SORCS3: variants seen among roughly 807,000 people sequenced by gnomAD.
The protein encoded by SORCS3 is sortilin related VPS10 domain containing receptor 3.
SORCS3 carries 57 observed loss-of-function variants against 146.3 expected under a neutral mutation model. The observed-to-expected ratio is 0.39, with a 90% confidence interval of 0.31 to 0.49. SORCS3 has a LOEUF of 0.49. Among genes scored for constraint, SORCS3 ranks in the 20% least tolerant of loss-of-function variants. SORCS3 has a pLI of 0.92. For missense variants in SORCS3, 1,341 were observed against 1,575.5 expected (o/e 0.85, Z 2.52); for synonymous variants, 653 against 618.5 (o/e 1.06, Z -0.83).
chr10:104,826,091 G>A (rs1401238627), intron 1 of SORCS3, among the ~76,000 whole-genome samples: 5 of 152,142 alleles, frequency 3.3e-5, no homozygotes, highest in African/African-American at 9.7e-5. Context: ...TTTGGGTGCT[G>A]ACTCCTGCCT....
intron 20 of SORCS3, among the ~76,000 whole-genome samples, chr10:105,228,229 G>A (rs1414359499): frequency 6.6e-6 from 1 of 151,582 alleles, no homozygotes; most frequent in Non-Finnish European, 1.5e-5. Context: ...TCTTCATAGT[G>A]ATAACATTTG....
At chr10:105,068,604 G>A (rs1443661309) in intron 5 of SORCS3, among the ~76,000 whole-genome samples, 2 of 134,704 alleles carry the variant, frequency 1.5e-5, no homozygotes, top group African/African-American at 5.6e-5. Context: ...TGCTGAAGTC[G>A]AGAGAATTAT....
chr10:104,721,038 T>C (rs922462847), intron 1 of SORCS3, among the ~76,000 whole-genome samples: 1 of 152,230 alleles, frequency 6.6e-6, no homozygotes, highest in African/African-American at 2.4e-5. Context: ...GTTATAGACA[T>C]GAAGTCCTTG....
intron 19 of SORCS3, 55 bp from the exon 20 acceptor site, chr10:105,223,061 A>G (rs2056713585): frequency 2.0e-6 from 3 of 1,525,272 alleles, no homozygotes; most frequent in Non-Finnish European, 2.7e-6. Flanking sequence ...GGGGTGTGAT[A>G]CAGTTTGACC....
chr10:104,904,753 GT>G (rs545406524), intron 2 of SORCS3, among the ~76,000 whole-genome samples: 1 of 150,408 alleles, frequency 6.6e-6, no homozygotes, highest in Non-Finnish European at 1.5e-5. Context: ...TGTTAACTGA[GT>G]TTTTCTATAT....
chr10:105,183,363 GT>G (rs11314566), intron 14 of SORCS3, among the ~76,000 whole-genome samples: 34,489 of 151,562 alleles, frequency 0.23, 3,902 homozygotes, highest in South Asian at 0.29. Flanking sequence ...AGCTGCAGAG[GT>G]TTTTTTTTCT....
rs1007463862 is a variant in SORCS3, at chr10:105,247,149, G to C, written c.2993-70G>C. ...TTACCAAAAGCACAGTGATGGTGGAGCTCCACACCTGTCACACCCTCTCTC... is the reference window on the plus strand; with the variant it reads ...TTACCAAAAGCACAGTGATGGTGGACCTCCACACCTGTCACACCCTCTCTC... On this transcript the variant is annotated intron_variant, in intron 21 of 26. Coordinates refer to ENST00000369701, the MANE Select transcript of SORCS3 (RefSeq NM_014978.3). 11 of 754,096 alleles carry C rather than the reference G, an allele frequency of 1.5e-5. 1 individual carries two copies. The highest frequency in any genetic ancestry group is 2.4e-5 in the Non-Finnish European group (11 of 455,602). The allele number at this position is 754,096 out of a possible 1,614,324, so 46.7% of individuals were successfully genotyped here. A position where few individuals can be genotyped will look rare whatever the true frequency, so the allele number is the denominator to read the frequency against.
chr10:104,964,184 A>G (rs1395033894), intron 3 of SORCS3, among the ~76,000 whole-genome samples: 1 of 152,172 alleles, frequency 6.6e-6, no homozygotes, highest in African/African-American at 2.4e-5. Context: ...TATGTGTATC[A>G]TATGCTTTCT....
intron 7 of SORCS3, among the ~76,000 whole-genome samples, chr10:105,114,371 A>G (rs1053935212): frequency 1.3e-5 from 2 of 152,184 alleles, no homozygotes; most frequent in African/African-American, 2.4e-5. Context: ...AATTTGGAAG[A>G]GGGACGGTCA....
chr10:105,220,349 T>C (rs1207788081), intron 19 of SORCS3, among the ~76,000 whole-genome samples: 1 of 152,188 alleles, frequency 6.6e-6, no homozygotes, highest in Non-Finnish European at 1.5e-5. Context: ...CGCCACATCC[T>C]TTTTGTGTTT....
At chr10:104,977,866 G>A (rs1398320623) in intron 4 of SORCS3, among the ~76,000 whole-genome samples, 3 of 150,974 alleles carry the variant, frequency 2.0e-5, no homozygotes, top group African/African-American at 4.9e-5. Flanking sequence ...TGAGTGGCTC[G>A]GATTACAGGT....
intron 2 of SORCS3, among the ~76,000 whole-genome samples, chr10:104,872,680 C>G (rs117382454): frequency 1.3e-3 from 189 of 150,786 alleles, no homozygotes; most frequent in East Asian, 6.3e-3. Context: ...GGAGAAAGTT[C>G]TTGCAATGAT....
At chr10:104,662,335 C>T (rs574569812) in intron 1 of SORCS3, among the ~76,000 whole-genome samples, 1 of 152,198 alleles carries the variant, frequency 6.6e-6, no homozygotes, top group Admixed American at 6.5e-5. Flanking sequence ...AAACATTGAG[C>T]TGTAACTTTT....
At chr10:105,100,190 A>G (rs1483608273) in intron 6 of SORCS3, among the ~76,000 whole-genome samples, 3 of 152,224 alleles carry the variant, frequency 2.0e-5, no homozygotes, top group Non-Finnish European at 2.9e-5. Context: ...GGTGCAGGGA[A>G]CAAAGCCTTT....
chr10:104,973,383 G>C (rs568456331), intron 3 of SORCS3, among the ~76,000 whole-genome samples: 30,477 of 151,768 alleles, frequency 0.2, 3,869 homozygotes, highest in African/African-American at 0.36. Flanking sequence ...TCCTGTTATT[G>C]GTCTATTCAG....
chr10:105,257,563 C>T lies in SORCS3; in HGVS notation c.3443+639C>T, dbSNP rs534841435. 2.0e-5 allele frequency among the ~76,000 whole-genome samples: 3 copies of T among 152,172 alleles called. No individual in the cohort carries two copies. In the South Asian group the frequency reaches 6.2e-4, roughly 32 times the overall value. ...TAAAATTGAAATCAATAATTTTGTA[C>T]TAACATTCAAATTATAACTTCTACT... On this transcript the variant is annotated intron_variant, in intron 25 of 26. Coordinates refer to ENST00000369701, the MANE Select transcript of SORCS3 (RefSeq NM_014978.3).
chr10:104,743,619 C>T (rs747600619), intron 1 of SORCS3, among the ~76,000 whole-genome samples: 4 of 152,082 alleles, frequency 2.6e-5, no homozygotes, highest in Non-Finnish European at 5.9e-5. Context: ...ACTTCTGGGT[C>T]CCTTTTAACC....
intron 20 of SORCS3, among the ~76,000 whole-genome samples, chr10:105,230,052 G>A (rs944099265): frequency 1.3e-5 from 2 of 152,138 alleles, no homozygotes; most frequent in Non-Finnish European, 2.9e-5. Context: ...GCCAGCTCTG[G>A]TGGTAGTGGT....
intron 1 of SORCS3, among the ~76,000 whole-genome samples, chr10:104,762,726 C>T (rs2451479): frequency 3.9e-5 from 6 of 152,320 alleles, no homozygotes; most frequent in Admixed American, 3.9e-4. Context: ...ACTTCCCCTT[C>T]ACTTGCTCGC....
Sources: allele counts gnomAD v4.1 joint callset (sites outside exome capture counted in the v4.1 genomes callset), GRCh38; gene constraint gnomAD v4.1.1; transcripts MANE v1.5; gene names NCBI Gene and HGNC (gene_info 2026-07-23, HGNC 2026-07-21).